The following MTHFS variants were observed in gnomAD, a reference collection of about 807,000 sequenced individuals.
MTHFS encodes the protein methenyltetrahydrofolate synthetase.
In MTHFS, 7 loss-of-function variants were observed where a neutral mutation model predicts 12.7. The observed-to-expected ratio is 0.55, with a 90% CI of 0.31 to 1.03. The LOEUF is 1.03. Ranked by LOEUF, MTHFS falls within the 50% of genes least tolerant of loss-of-function variation. The pLI, the probability that MTHFS is intolerant of heterozygous loss-of-function variation, is 0.05. For missense variants in MTHFS, 252 were observed against 258.1 expected, an observed-to-expected ratio of 0.98 and a Z score of 0.16; for synonymous variants, 100 against 97.1, an observed-to-expected ratio of 1.03 and a Z score of -0.18.
At chr15:79,875,781 A>G (rs1300560589) in intron 2 of MTHFS, 2 of 152,174 alleles carry the variant, frequency 1.3e-5, no homozygotes, top group Non-Finnish European at 2.9e-5. Context: ...GTGAAAAAAC[A>G]CAATGGGAGA....
intron 2 of MTHFS, among the ~76,000 whole-genome samples, chr15:79,884,315 A>C (rs1355246444): frequency 6.6e-6 from 1 of 152,226 alleles, no homozygotes; most frequent in Non-Finnish European, 1.5e-5. Flanking sequence ...AAGTATTAAG[A>C]TAGAGAGGGA....
intron 2 of MTHFS, among the ~76,000 whole-genome samples, chr15:79,855,071 G>A (rs2033776183): frequency 6.6e-6 from 1 of 152,096 alleles, no homozygotes; most frequent in Non-Finnish European, 1.5e-5. Flanking sequence ...TTGAATCACT[G>A]CAACAGACAC....
At chr15:79,868,269 T>C (rs1030429249) in intron 2 of MTHFS, among the ~76,000 whole-genome samples, 1 of 152,230 alleles carries the variant, frequency 6.6e-6, no homozygotes, top group Non-Finnish European at 1.5e-5. Context: ...TAGCATTCAA[T>C]ATACAATAGT....
At chr15:79,885,459 C>T (rs1269036906) in intron 2 of MTHFS, among the ~76,000 whole-genome samples, 3 of 152,190 alleles carry the variant, frequency 2.0e-5, no homozygotes, top group African/African-American at 4.8e-5. Context: ...CTCCAGTATC[C>T]ATTCCCCCTT....
chr15:79,864,069 T>G (rs2033962870), intron 2 of MTHFS, among the ~76,000 whole-genome samples: 1 of 152,254 alleles, frequency 6.6e-6, no homozygotes, highest in Non-Finnish European at 1.5e-5. Flanking sequence ...CTCTGCCTTT[T>G]GACTGTGGCA....
chr15:79,866,971 C>T (rs1811969611), intron 2 of MTHFS, among the ~76,000 whole-genome samples: 1 of 147,964 alleles, frequency 6.8e-6, no homozygotes, highest in African/African-American at 2.5e-5. Context: ...CAGAGTGAGA[C>T]TCTGTCTCAA....
At chr15:79,864,547 CAAAAAAAAAAAAAAAAAA>C (rs58698908) in intron 2 of MTHFS, among the ~76,000 whole-genome samples, 3 of 64,512 alleles carry the variant, frequency 4.7e-5, no homozygotes, top group African/African-American at 7.5e-5. Flanking sequence ...TCCATCTCAA[CAAAAAAAAAAAAAAAAAA>C]AAAAAAAAAA....
chr15:79,875,182 A>G (rs28858687), intron 2 of MTHFS, among the ~76,000 whole-genome samples: 6,249 of 152,070 alleles, frequency 0.041, 375 homozygotes, highest in East Asian at 0.26. Flanking sequence ...GAACTAATAA[A>G]TGTCCATGAA....
At chr15:79,885,838 C>T (rs1236510625) in intron 2 of MTHFS, among the ~76,000 whole-genome samples, 1 of 152,260 alleles carries the variant, frequency 6.6e-6, no homozygotes, top group Non-Finnish European at 1.5e-5. Flanking sequence ...GGAAGCAAAG[C>T]CAAAAGGCAG....
intron 2 of MTHFS, among the ~76,000 whole-genome samples, chr15:79,855,884 A>T (rs1326225708): frequency 6.6e-6 from 1 of 152,220 alleles, no homozygotes; most frequent in East Asian, 1.9e-4. Flanking sequence ...TCTATAGTAT[A>T]TATGTACCAT....
intron 2 of MTHFS, among the ~76,000 whole-genome samples, chr15:79,859,535 C>A (rs967904231): frequency 5.9e-5 from 9 of 152,192 alleles, no homozygotes; most frequent in Non-Finnish European, 1.3e-4. Flanking sequence ...AACATATTCT[C>A]AGCCAGGGGC....
At chr15:79,890,207 CTTTTTTTT>C (rs71150999) in intron 1 of MTHFS, among the ~76,000 whole-genome samples, 2,310 of 100,726 alleles carry the variant, frequency 0.023, 34 homozygotes, top group African/African-American at 0.079. Flanking sequence ...CTCTTTTTTC[CTTTTTTTT>C]TTTTTTTTTT....
chr15:79,850,043 G>A (rs1333590821), intron 2 of MTHFS, among the ~76,000 whole-genome samples: 1 of 152,262 alleles, frequency 6.6e-6, no homozygotes, highest in Non-Finnish European at 1.5e-5. Flanking sequence ...GTGATCATAG[G>A]AAAGCTACTG....
chr15:79,889,039 T>G, intron 2 of MTHFS, 54 bp downstream of exon 2: 6 of 1,593,846 alleles, frequency 3.8e-6, no homozygotes, highest in Non-Finnish European at 5.1e-6. Context: ...CCCGTGGATC[T>G]GAGATCTAAC....
intron 2 of MTHFS, among the ~76,000 whole-genome samples, chr15:79,855,709 C>T (rs2033789092): frequency 6.6e-6 from 1 of 152,130 alleles, no homozygotes; most frequent in Non-Finnish European, 1.5e-5. Flanking sequence ...TGCTGTTCCC[C>T]TCTTTCTTCC....
chr15:79,861,740 A>G (rs1232416628), intron 2 of MTHFS, among the ~76,000 whole-genome samples: 1 of 152,250 alleles, frequency 6.6e-6, no homozygotes, highest in African/African-American at 2.4e-5. Flanking sequence ...CATCAATGCT[A>G]TGTAACCACT....
At chr15:79,885,194 G>T (rs1293811257) in intron 2 of MTHFS, among the ~76,000 whole-genome samples, 2 of 152,052 alleles carry the variant, frequency 1.3e-5, no homozygotes, top group African/African-American at 4.8e-5. Flanking sequence ...AACCTAGAAG[G>T]GTTGTTCAAA....
intron 2 of MTHFS, among the ~76,000 whole-genome samples, chr15:79,850,354 G>T (rs1039481718): frequency 1.3e-5 from 2 of 152,252 alleles, no homozygotes; most frequent in East Asian, 3.9e-4. Flanking sequence ...AGAAAACCAG[G>T]GGAGAATGAG....
At chr15:79,885,885 C>G (rs1157327184) in intron 2 of MTHFS, among the ~76,000 whole-genome samples, 2 of 152,220 alleles carry the variant, frequency 1.3e-5, no homozygotes, top group African/African-American at 4.8e-5. Context: ...ATCCAGCCAG[C>G]CCTTCTGTGA....
Sources: gnomAD v4.1 joint callset for allele counts (sites outside exome capture counted in the v4.1 genomes callset) on GRCh38, gnomAD v4.1.1 for gene constraint, MANE v1.5 for transcripts, NCBI Gene and HGNC (gene_info 2026-07-23, HGNC 2026-07-21) for gene names.